NUP43: variants seen among roughly 807,000 people sequenced by gnomAD.
NUP43 encodes nucleoporin 43, also known as nucleoporin Nup43.
In NUP43, 32 loss-of-function variants were observed where a neutral mutation model predicts 47.3. The ratio of observed to expected loss-of-function variants is 0.68; its 90% CI spans 0.51 to 0.91. NUP43 has a LOEUF of 0.91. Among genes scored for constraint, NUP43 ranks in the 40% least tolerant of loss-of-function variants. The probability of loss-of-function intolerance (pLI) is 0.00; values close to 1 mark genes in which losing one functional copy is unlikely to be tolerated. For synonymous variants in NUP43, 147 were observed against 158.4 expected (o/e 0.93, Z 0.54); for missense variants, 444 against 453.9 (o/e 0.98, Z 0.20).
intron 4 of NUP43, among the ~76,000 whole-genome samples, chr6:149,740,387 T>C (rs547353235): frequency 6.6e-6 from 1 of 151,942 alleles, no homozygotes; most frequent in Admixed American, 6.6e-5. Flanking sequence ...TCCCAGCACT[T>C]TGGGAGGCCG....
intron 3 of NUP43, among the ~76,000 whole-genome samples, chr6:149,742,780 C>A (rs1358379832): frequency 1.3e-5 from 2 of 152,070 alleles, no homozygotes; most frequent in Non-Finnish European, 2.9e-5. Flanking sequence ...TTAATAATGC[C>A]CCACATTTAT....
Position 149,743,660 on chromosome 6 carries a change from A to G in NUP43, c.299T>C (p.Phe100Ser), listed in dbSNP as rs1158890591. The change falls in exon 3 of 8, where the codon TTC becomes TCC. Residue 100 changes from phenylalanine (F) to serine (S), a missense_variant. Coordinates refer to ENST00000340413, the MANE Select transcript of NUP43 (RefSeq NM_198887.3). ...TACCTGGTTATTTGGATGGTGAAGG[A>G]AAACTGTTACACATCCTGTTGATGA... ...AASSTGCVTV[F>S]LHHPNNQTLS... 1 of 1,608,430 alleles carries G rather than the reference A, an allele frequency of 6.2e-7. No homozygotes were observed.
intron 7 of NUP43, among the ~76,000 whole-genome samples, chr6:149,730,070 T>G (rs1009759016): frequency 6.6e-6 from 1 of 151,068 alleles, no homozygotes; most frequent in Admixed American, 6.6e-5. Context: ...AGTGCAATGG[T>G]GCAATCTCGG....
chr6:149,728,533 C>T lies in NUP43; in HGVS notation c.914-1335G>A, dbSNP rs987313492. 5 of 649,194 alleles carry T rather than the reference C, an allele frequency of 7.7e-6. No individual in the cohort carries two copies. In the East Asian group the frequency reaches 6.8e-4, roughly 89 times the overall value. 40.2% of individuals were successfully genotyped at this position (649,194 alleles called of 1,614,324 possible). A position where few individuals can be genotyped will look rare whatever the true frequency, so the allele number is the denominator to read the frequency against. On this transcript the variant is annotated intron_variant, in intron 7 of 7. Coordinates refer to ENST00000340413, the MANE Select transcript of NUP43 (RefSeq NM_198887.3). ...TAGTTTTTCTGTTTATCTTTTACTG[C>T]CCCTACATTTTACATTGCTCTTGGA...
intron 7 of NUP43, chr6:149,731,286 G>A (rs775109477): frequency 3.3e-5 from 6 of 179,502 alleles, no homozygotes; most frequent in Non-Finnish European, 7.0e-5. Context: ...AAGGCCAGGT[G>A]TGGTGGCTCA....
At chr6:149,742,350 C>G in intron 4 of NUP43, 40 bp downstream of exon 4, 1 of 1,586,868 alleles carries the variant, frequency 6.3e-7, no homozygotes, top group Non-Finnish European at 8.6e-7. Flanking sequence ...TTAGAAGAGA[C>G]TAGGTTTCGC....
chr6:149,738,774 A>G lies in NUP43; in HGVS notation c.507T>C (p.Asn169=), dbSNP rs1333498213. Residue 169 remains asparagine, a synonymous_variant, in exon 5 of 8, where the codon AAT becomes AAC. Transcript: ENST00000340413. The part of the protein sequence containing the change: ...DHKEAVRTID[N]ADSSTLHAVT... ...CAGCATGGAGTGTACTACTATCTGCATTGTCTAAAAATTTAAAAAATGGTA... is the reference window on the plus strand; with the variant it reads ...CAGCATGGAGTGTACTACTATCTGCGTTGTCTAAAAATTTAAAAAATGGTA... 1 of 1,493,862 alleles carries G rather than the reference A, an allele frequency of 6.7e-7. No homozygotes were observed. Among genetic ancestry groups the G allele is most frequent in the Non-Finnish European group, 8.9e-7 (1 of 1,122,760 alleles). The allele number at this position is 1,493,862 out of a possible 1,614,324, so 92.5% of individuals were successfully genotyped here.
At position 149,738,687 on chromosome 6, in the gene NUP43, C is replaced by G. The variant is rs1162636147; in HGVS notation, c.594G>C (p.Trp198Cys). 1 of 1,589,934 alleles carries G rather than the reference C, an allele frequency of 6.3e-7. No homozygotes were observed. The highest frequency in any genetic ancestry group is 8.5e-7 in the Non-Finnish European group (1 of 1,170,208). The change falls in exon 5 of 8, where the codon TGG becomes TGC. Residue 198 changes from tryptophan to cysteine, a missense_variant. Physicochemically the swap from Trp to Cys is radical, Grantham distance 215. Coordinates refer to ENST00000340413, the MANE Select transcript of NUP43 (RefSeq NM_198887.3). ...GCTCATTTCCTTGTTGTCTGAAATC[C>G]CATATTTTCAACTGTCCAATTGAAT... ...TVNSIGQLKI[W>C]DFRQQGNEPS... is the part of the protein sequence containing the mutation.
chr6:149,743,452 G>A (rs959576681), intron 3 of NUP43, among the ~76,000 whole-genome samples, 186 bp downstream of exon 3: 6 of 150,740 alleles, frequency 4.0e-5, no homozygotes, highest in South Asian at 4.2e-4. Context: ...AAAATTAGCC[G>A]GGCGTGGTGG....
chr6:149,745,401 G>GGA (rs971532687), intron 2 of NUP43, among the ~76,000 whole-genome samples: 2 of 118,298 alleles, frequency 1.7e-5, no homozygotes, highest in African/African-American at 6.2e-5. Flanking sequence ...CTCCATCTTG[G>GGA]AAAAAAAAAA....
chr6:149,742,317 C>A, intron 4 of NUP43, 73 bp downstream of exon 4: 1 of 1,446,142 alleles, frequency 6.9e-7, no homozygotes, highest in South Asian at 1.2e-5. Context: ...TGAGCCACCA[C>A]ACCCAGCCTA....
At chr6:149,736,417 T>G in intron 6 of NUP43, 54 bp downstream of exon 6, 1 of 1,333,644 alleles carries the variant, frequency 7.5e-7, no homozygotes, top group South Asian at 1.9e-5. Context: ...AGGTGCTTAT[T>G]ATATGTCATA....
intron 6 of NUP43, 102 bp from the exon 7 acceptor site, chr6:149,731,837 A>G: frequency 8.2e-7 from 1 of 1,222,874 alleles, no homozygotes; most frequent in Non-Finnish European, 1.2e-6. Context: ...CCTCCATCAC[A>G]TACCTTCGAG....
rs201501056 is a variant in NUP43 at position 149,746,373 on chromosome 6, T to C, written c.120+3A>G. 8.7e-5 allele frequency: 140 copies of C among 1,613,588 alleles called. No homozygotes were observed. Among genetic ancestry groups the C allele is most frequent in the Admixed American group, 2.7e-4 (16 of 59,992 alleles). On this transcript the variant is annotated splice_donor_region_variant and intron_variant, in intron 1 of 7. Coordinates refer to ENST00000340413, the MANE Select transcript of NUP43 (RefSeq NM_198887.3). ...AGGGGCTCGTCCCTATCAGCGGCGA[T>C]ACCTCATTGTCCCAAGATCCTGTAG...
upstream of NUP43, among the ~76,000 whole-genome samples, chr6:149,748,590 A>G (rs937724940): frequency 1.1e-4 from 16 of 152,062 alleles, no homozygotes; most frequent in African/African-American, 3.9e-4. Context: ...CGGGCGGATC[A>G]TAAGGTCAGG....
chr6:149,744,772 G>A (rs1262888934), intron 2 of NUP43, among the ~76,000 whole-genome samples: 1 of 151,340 alleles, frequency 6.6e-6, no homozygotes, highest in Non-Finnish European at 1.5e-5. Context: ...GGAGGCAGAA[G>A]TTGCAGTAAG....
chr6:149,746,195 C>G, intron 1 of NUP43, 133 bp from the exon 2 acceptor site: 9 of 1,320,136 alleles, frequency 6.8e-6, no homozygotes, highest in South Asian at 1.4e-5. Flanking sequence ...CAACGAGATA[C>G]GAGGCTCAGG....
At chr6:149,742,190 C>G (rs1785696642) in intron 4 of NUP43, among the ~76,000 whole-genome samples, 200 bp downstream of exon 4, 1 of 152,212 alleles carries the variant, frequency 6.6e-6, no homozygotes, top group African/African-American at 2.4e-5. Context: ...CCATGCCCAG[C>G]AAATTCTGTA....
At chr6:149,737,298 AAAAG>A (rs1785419610) in intron 5 of NUP43, among the ~76,000 whole-genome samples, 2 of 151,986 alleles carry the variant, frequency 1.3e-5, no homozygotes, top group East Asian at 1.9e-4. Context: ...AAAAAAAAAA[AAAAG>A]AGAGACAGGG....
Sources: gnomAD v4.1 joint callset for allele counts (sites outside exome capture counted in the v4.1 genomes callset) on GRCh38, gnomAD v4.1.1 for gene constraint, MANE v1.5 for transcripts, NCBI Gene and HGNC (gene_info 2026-07-23, HGNC 2026-07-21) for gene names.